The following USP6 variants were observed in gnomAD, a reference collection of about 807,000 sequenced individuals.
The protein encoded by USP6 is ubiquitin specific peptidase 6.
A neutral mutation model predicts 175.7 loss-of-function variants in USP6; 128 were observed. The ratio of observed to expected loss-of-function variants is 0.73; its 90% CI spans 0.63 to 0.84. The LOEUF is 0.84. Ranked by LOEUF, USP6 falls within the 40% of genes least tolerant of loss-of-function variation. The probability of loss-of-function intolerance (pLI) is 0.00; values close to 1 mark genes in which losing one functional copy is unlikely to be tolerated. For missense variants in USP6, 1,498 were observed against 1,760.3 expected (o/e 0.85, Z 2.67); for synonymous variants, 562 against 630.6 (o/e 0.89, Z 1.63).
intron 30 of USP6, among the ~76,000 whole-genome samples, chr17:5,153,658 T>G (rs1453311833): frequency 6.7e-6 from 1 of 148,790 alleles, no homozygotes; most frequent in Non-Finnish European, 1.5e-5. Context: ...GTTCCTTTCT[T>G]TTTCTTTTTT....
In USP6 at chr17:5,170,746, A is replaced by G. The variant is rs745887686; in HGVS notation, c.3785A>G (p.His1262Arg). 1.9e-5 allele frequency: 31 copies of G among 1,614,016 alleles called. 1 individual carries two copies. In the South Asian group the frequency reaches 3.1e-4, roughly 16 times the overall value. Residue 1262 changes from histidine (H) to arginine (R), a missense_variant, in exon 36 of 38, where the codon CAT becomes CGT. Physicochemically the swap from His to Arg is conservative, Grantham distance 29. Coordinates refer to ENST00000574788, the MANE Select transcript of USP6 (RefSeq NM_001304284.2). ...SQPELVTPQD[H>R]EVALANGFLY... The stretch of plus-strand genomic sequence containing the variant: ...CCAGAGCTGGTCACTCCTCAGGACC[A>G]TGAGGTAGCTTTGGCCAATGGATTC...
intron 14 of USP6, among the ~76,000 whole-genome samples, 168 bp downstream of exon 14, chr17:5,133,718 G>A (rs1435957674): frequency 2.0e-5 from 3 of 152,008 alleles, no homozygotes; most frequent in Non-Finnish European, 2.9e-5. Flanking sequence ...ACTCGGCTGT[G>A]GTGACCCTCC....
At chr17:5,171,790 T>C (rs532514249) in intron 37 of USP6, 111 bp downstream of exon 37, 1 of 1,182,602 alleles carries the variant, frequency 8.5e-7, no homozygotes, top group East Asian at 2.6e-5. Context: ...CTGTTAGAAT[T>C]AATATATAGA....
At position 5,133,995 on chromosome 17, in the gene USP6, A is replaced by G; in HGVS notation, c.493A>G (p.Lys165Glu). The G allele has an allele frequency of 6.2e-7, 1 of 1,613,966 alleles. No individual in the cohort carries two copies. Among genetic ancestry groups the G allele is most frequent in the Non-Finnish European group, 8.5e-7 (1 of 1,179,834 alleles). ...CTTCTTTAGGGATCGATATGGAGCC[A>G]AGTAAGCCTACGGGAGCCACACAGT... ...HVFFRDRYGAKQRELFYILLA... is the reference protein window; with the variant it reads ...HVFFRDRYGAEQRELFYILLA... The change falls in exon 15 of 38, where the codon AAG becomes GAG. Residue 165 changes from lysine (K) to glutamate (E), a missense_variant and splice_region_variant. This residue lies in a region of USP6 where 281 missense variants were observed against 259.6 expected (regional missense o/e 1.08). Coordinates refer to ENST00000574788, the MANE Select transcript of USP6 (RefSeq NM_001304284.2).
Position 5,155,618 on chromosome 17 carries a change from G to A in USP6, c.2828+12G>A, listed in dbSNP as rs1156260935. 8 of 1,611,840 alleles carry A rather than the reference G, an allele frequency of 5.0e-6. No homozygotes were observed. The South Asian group carries it at 6.6e-5, about 13-fold the overall frequency. Reference sequence around the variant, plus strand: ...CATGCCCAGGATCGGTGAGTTCAGGGGATCCATCTAAACCTGTGGTTTCCA... The same window carrying A: ...CATGCCCAGGATCGGTGAGTTCAGGAGATCCATCTAAACCTGTGGTTTCCA... On this transcript the variant is annotated intron_variant, in intron 31 of 37. Transcript: ENST00000574788.
chr17:5,128,865 A>T (rs1268762299), intron 7 of USP6, 87 bp from the exon 8 acceptor site: 1 of 152,508 alleles, frequency 6.6e-6, no homozygotes, highest in African/African-American at 2.4e-5. Flanking sequence ...GGTTTTGTGG[A>T]CTCAAAGGTT....
intron 19 of USP6, 53 bp from the exon 20 acceptor site, chr17:5,137,598 C>T (rs2143905023): frequency 6.4e-7 from 1 of 1,561,016 alleles, no homozygotes; most frequent in Middle Eastern, 1.7e-4. Context: ...CAGCTCGAGC[C>T]ACCAGCCCCA....
chr17:5,165,077 G>A (rs2074072139), intron 33 of USP6, among the ~76,000 whole-genome samples: 1 of 152,034 alleles, frequency 6.6e-6, no homozygotes, highest in South Asian at 2.1e-4. Flanking sequence ...CTTACGATAT[G>A]TGAACATTGT....
At chr17:5,151,345 A>G (rs1189252886) in intron 30 of USP6, among the ~76,000 whole-genome samples, 1 of 152,212 alleles carries the variant, frequency 6.6e-6, no homozygotes, top group Non-Finnish European at 1.5e-5. Flanking sequence ...ATGGATTAGA[A>G]GACTCGATAT....
rs1422403252 is a variant in USP6 at position 5,121,440 on chromosome 17, ATGGAGCTCTACATCTC to A, written c.-1606_-1591del. 17 of 307,580 alleles carry A rather than the reference ATGGAGCTCTACATCTC, an allele frequency of 5.5e-5. No individual in the cohort carries two copies. The highest frequency in any genetic ancestry group is 9.5e-5 in the Non-Finnish European group (15 of 158,442). 19.1% of individuals were successfully genotyped at this position (307,580 alleles called of 1,614,324 possible). ...CCCTGCAGAGCGGCAGGATAGAGAT[ATGGAGCTCTACATCTC>A]TGTGCAGAACCTGAGCCATCCCAGC... is the stretch of plus-strand genomic sequence containing the variant. On this transcript the variant is annotated 5_prime_UTR_variant, in exon 4 of 38. An upstream open reading frame in the 5' UTR loses its in-frame stop. Coordinates refer to ENST00000574788, the MANE Select transcript of USP6 (RefSeq NM_001304284.2).
At chr17:5,167,289 C>T (rs1027390715) in intron 33 of USP6, among the ~76,000 whole-genome samples, 1 of 152,194 alleles carries the variant, frequency 6.6e-6, no homozygotes, top group Non-Finnish European at 1.5e-5. Flanking sequence ...TTACTATCAG[C>T]ACCCCTGGCT....
At chr17:5,141,739 T>A (rs2304448) in intron 23 of USP6, among the ~76,000 whole-genome samples, 1 of 151,998 alleles carries the variant, frequency 6.6e-6, no homozygotes, top group African/African-American at 2.4e-5. Flanking sequence ...GCTAGAAGAA[T>A]AATTGTTTGA....
At chr17:5,160,713 C>T (rs2073988483) in intron 31 of USP6, among the ~76,000 whole-genome samples, 1 of 152,180 alleles carries the variant, frequency 6.6e-6, no homozygotes, top group Non-Finnish European at 1.5e-5. Context: ...TTTCTAGCAG[C>T]ATGATTTATA....
At chr17:5,146,225 A>G (rs780547201) in intron 28 of USP6, 51 bp downstream of exon 28, 2 of 1,522,774 alleles carry the variant, frequency 1.3e-6, no homozygotes, top group Non-Finnish European at 1.8e-6. Flanking sequence ...CAAAGATGAC[A>G]TTTTTCTCAA....
At chr17:5,137,799 C>T (rs376268736) in intron 20 of USP6, 49 bp downstream of exon 20, 25 of 1,599,946 alleles carry the variant, frequency 1.6e-5, no homozygotes, top group Non-Finnish European at 2.0e-5. Flanking sequence ...GCAGTCAGAC[C>T]CCGACTGGCC....
At chr17:5,142,785 G>C (rs1462877584) in intron 25 of USP6, among the ~76,000 whole-genome samples, 1 of 152,024 alleles carries the variant, frequency 6.6e-6, no homozygotes, top group Non-Finnish European at 1.5e-5. Flanking sequence ...ACCTTTTTTG[G>C]TAATACTTCA....
chr17:5,154,512 T>A (rs767890974), intron 30 of USP6, among the ~76,000 whole-genome samples: 213 of 152,284 alleles, frequency 1.4e-3, no homozygotes, highest in South Asian at 3.1e-3. Context: ...ATTTTTAAAA[T>A]TTTTACCTTA....
intron 6 of USP6, among the ~76,000 whole-genome samples, chr17:5,126,156 A>G (rs1486259012): frequency 6.6e-6 from 1 of 151,848 alleles, no homozygotes; most frequent in Non-Finnish European, 1.5e-5. Flanking sequence ...TTCTCCGTAG[A>G]CCATGCTTCA....
intron 2 of USP6, among the ~76,000 whole-genome samples, chr17:5,118,860 G>C (rs2072589814): frequency 6.6e-6 from 1 of 152,154 alleles, no homozygotes; most frequent in African/African-American, 2.4e-5. Context: ...CTGAGTCTGG[G>C]GTCTTTATAG....
Sources: allele counts gnomAD v4.1 joint callset (sites outside exome capture counted in the v4.1 genomes callset), GRCh38; gene constraint gnomAD v4.1.1; regional missense constraint gnomAD v4.1.1; transcripts MANE v1.5; gene names NCBI Gene and HGNC (gene_info 2026-07-23, HGNC 2026-07-21).